CACNA2D1: variants seen among roughly 807,000 people sequenced by gnomAD.
CACNA2D1 encodes the protein calcium voltage-gated channel auxiliary subunit alpha2delta 1.
A neutral mutation model predicts 171.5 loss-of-function variants in CACNA2D1; 53 were observed. That is an observed-to-expected ratio of 0.31 (90% CI 0.25 to 0.39). The LOEUF is 0.39. CACNA2D1 is among the 10% of genes least tolerant of loss of function. The pLI is 1.00. For synonymous variants in CACNA2D1, 442 were observed against 443.1 expected (o/e 1.00, Z 0.03); for missense variants, 903 against 1,299.8 (o/e 0.69, Z 4.69).
chr7:81,996,986 T>G (rs536144441), intron 19 of CACNA2D1, among the ~76,000 whole-genome samples, 193 bp downstream of exon 19: 1 of 152,258 alleles, frequency 6.6e-6, no homozygotes, highest in East Asian at 1.9e-4. Context: ...AAACATTTAT[T>G]CCTTTTCATA....
At chr7:82,124,929 C>A (rs566846727) in intron 5 of CACNA2D1, among the ~76,000 whole-genome samples, 3 of 152,046 alleles carry the variant, frequency 2.0e-5, no homozygotes, top group African/African-American at 7.2e-5. Flanking sequence ...CTAGATTTTT[C>A]CTTTTTCTTT....
chr7:82,023,497 C>T (rs1801505232), intron 12 of CACNA2D1, among the ~76,000 whole-genome samples: 1 of 151,384 alleles, frequency 6.6e-6, no homozygotes, highest in Non-Finnish European at 1.5e-5. Flanking sequence ...ATTTCTGATT[C>T]ATCTAGATGA....
intron 3 of CACNA2D1, among the ~76,000 whole-genome samples, chr7:82,215,869 GT>G (rs2129235794): frequency 6.6e-6 from 1 of 152,036 alleles, no homozygotes; most frequent in East Asian, 1.9e-4. Context: ...TTTGCATCTT[GT>G]TTTTATACTG....
intron 1 of CACNA2D1, among the ~76,000 whole-genome samples, chr7:82,431,463 A>T (rs1174799221): frequency 6.6e-6 from 1 of 152,122 alleles, no homozygotes; most frequent in Non-Finnish European, 1.5e-5. Flanking sequence ...ATCAAGGCTG[A>T]GAGTTAGTTA....
intron 1 of CACNA2D1, among the ~76,000 whole-genome samples, chr7:82,423,883 C>G (rs1828939801): frequency 6.6e-6 from 1 of 152,086 alleles, no homozygotes; most frequent in Non-Finnish European, 1.5e-5. Flanking sequence ...AAGAAAAGTG[C>G]ACAAACTGGG....
chr7:82,425,310 A>G (rs1829072737), intron 1 of CACNA2D1, among the ~76,000 whole-genome samples: 1 of 152,132 alleles, frequency 6.6e-6, no homozygotes, highest in Non-Finnish European at 1.5e-5. Context: ...TTGAAAGAGG[A>G]GCAGGAAGTA....
chr7:81,963,362 A>G (rs1428252901), intron 34 of CACNA2D1, among the ~76,000 whole-genome samples: 1 of 151,970 alleles, frequency 6.6e-6, no homozygotes, highest in Non-Finnish European at 1.5e-5. Flanking sequence ...ATACAAAAAA[A>G]AAGATTAGAA....
intron 36 of CACNA2D1, 133 bp downstream of exon 36, chr7:81,961,761 C>G: frequency 1.3e-6 from 1 of 768,442 alleles, no homozygotes; most frequent in Non-Finnish European, 2.2e-6. Flanking sequence ...AACAATTACT[C>G]ACATCTCTGA....
chr7:82,426,571 GA>G (rs560850664), intron 1 of CACNA2D1, among the ~76,000 whole-genome samples: 1 of 151,606 alleles, frequency 6.6e-6, no homozygotes, highest in African/African-American at 2.4e-5. Context: ...ATCTTAGCAG[GA>G]AAAAAAAGTG....
intron 3 of CACNA2D1, among the ~76,000 whole-genome samples, chr7:82,304,105 TA>T (rs1813399893): frequency 6.6e-6 from 1 of 152,080 alleles, no homozygotes; most frequent in South Asian, 2.1e-4. Flanking sequence ...TCAACATCGC[TA>T]ATCATCAGGG....
chr7:81,958,363 G>A (rs1310642526), intron 38 of CACNA2D1, among the ~76,000 whole-genome samples: 5 of 152,054 alleles, frequency 3.3e-5, no homozygotes, highest in African/African-American at 4.8e-5. Flanking sequence ...TAATTTATGA[G>A]ATAATGCTTT....
At chr7:82,258,413 AT>A (rs1245376129) in intron 3 of CACNA2D1, among the ~76,000 whole-genome samples, 1 of 152,096 alleles carries the variant, frequency 6.6e-6, no homozygotes, top group Non-Finnish European at 1.5e-5. Flanking sequence ...AACTGTACAC[AT>A]TGTTGTCCTT....
At chr7:82,038,367 G>A in intron 10 of CACNA2D1, 132 bp from the exon 11 acceptor site, 1 of 743,376 alleles carries the variant, frequency 1.3e-6, no homozygotes, top group Non-Finnish European at 2.2e-6. Flanking sequence ...TGAGTAGGCT[G>A]GTGACAAAGG....
chr7:82,049,686 G>C (rs936982791), intron 10 of CACNA2D1, among the ~76,000 whole-genome samples: 1 of 152,152 alleles, frequency 6.6e-6, no homozygotes, highest in African/African-American at 2.4e-5. Context: ...TTGAGATGCT[G>C]CATTTGTACC....
intron 4 of CACNA2D1, among the ~76,000 whole-genome samples, chr7:82,165,769 T>A (rs1479886242): frequency 6.6e-6 from 1 of 152,046 alleles, no homozygotes; most frequent in Non-Finnish European, 1.5e-5. Flanking sequence ...TTTCCCTACA[T>A]AGCAGAAATG....
chr7:82,293,323 A>G (rs1417926410), intron 3 of CACNA2D1, among the ~76,000 whole-genome samples: 1 of 150,744 alleles, frequency 6.6e-6, no homozygotes, highest in Non-Finnish European at 1.5e-5. Context: ...TGTCATTTTG[A>G]CTTTCTCATT....
At position 82,253,131 on chromosome 7, in the gene CACNA2D1, G is replaced by A. The variant is rs1252743041; in HGVS notation, c.294+82004C>T. Among the ~76,000 whole-genome samples, 4 of 152,218 alleles carry A rather than the reference G, an allele frequency of 2.6e-5. No individual in the cohort carries two copies. The East Asian group carries it at 5.8e-4, about 22-fold the overall frequency. On this transcript the variant is annotated intron_variant, in intron 3 of 38. Coordinates refer to ENST00000356860, the MANE Select transcript of CACNA2D1 (RefSeq NM_000722.4). ...AGAGAGGAATGGCTGGAGAAGAAGG[G>A]CTTATACTGGATTTGACTTTCAAAA...
intron 3 of CACNA2D1, among the ~76,000 whole-genome samples, chr7:82,222,246 C>A (rs1487495051): frequency 1.3e-5 from 2 of 152,088 alleles, no homozygotes; most frequent in Non-Finnish European, 2.9e-5. Flanking sequence ...TGATGTTCAG[C>A]CAGAAATGAG....
At chr7:82,312,731 G>C (rs1216783657) in intron 3 of CACNA2D1, among the ~76,000 whole-genome samples, 1 of 146,456 alleles carries the variant, frequency 6.8e-6, no homozygotes, top group African/African-American at 2.6e-5. Flanking sequence ...ATAGTGTTTT[G>C]CCATGTTGGC....
Sources: allele counts gnomAD v4.1 joint callset (sites outside exome capture counted in the v4.1 genomes callset), GRCh38; gene constraint gnomAD v4.1.1; transcripts MANE v1.5; gene names NCBI Gene and HGNC (gene_info 2026-07-23, HGNC 2026-07-21).